The following THSD4 variants were observed in gnomAD, a reference collection of about 807,000 sequenced individuals.
The protein encoded by THSD4 is thrombospondin type-1 domain-containing protein 4.
In THSD4, 69 loss-of-function variants were observed where a neutral mutation model predicts 119.0. That is an observed-to-expected ratio of 0.58 (90% CI 0.48 to 0.71). The LOEUF is 0.71. Among genes scored for constraint, THSD4 ranks in the 30% least tolerant of loss-of-function variants. The probability of loss-of-function intolerance (pLI) is 0.00; values close to 1 mark genes in which losing one functional copy is unlikely to be tolerated. For missense variants in THSD4, 1,393 were observed against 1,391.1 expected, an observed-to-expected ratio of 1.00 and a Z score of -0.02; for synonymous variants, 524 against 540.4, an observed-to-expected ratio of 0.97 and a Z score of 0.42.
intron 6 of THSD4, among the ~76,000 whole-genome samples, chr15:71,269,890 C>G (rs556089900): frequency 1.3e-5 from 2 of 152,294 alleles, no homozygotes; most frequent in South Asian, 4.1e-4. Context: ...ATACAACTTA[C>G]AAGCGATGTG....
At chr15:71,106,976 C>T (rs1186565905) in intron 1 of THSD4, among the ~76,000 whole-genome samples, 1 of 152,164 alleles carries the variant, frequency 6.6e-6, no homozygotes, top group Non-Finnish European at 1.5e-5. Flanking sequence ...TCCCTGAAGG[C>T]GAATTGGTGA....
intron 7 of THSD4, among the ~76,000 whole-genome samples, chr15:71,446,157 C>G (rs191506076): frequency 2.6e-5 from 4 of 152,336 alleles, no homozygotes; most frequent in Admixed American, 2.6e-4. Flanking sequence ...CTGACTCTAT[C>G]CCATAGTGAA....
intron 5 of THSD4, among the ~76,000 whole-genome samples, chr15:71,248,233 A>G (rs947589765): frequency 8.5e-5 from 13 of 152,140 alleles, no homozygotes; most frequent in African/African-American, 3.1e-4. Context: ...TTGAACTATG[A>G]TCACACCACT....
In THSD4 at chr15:71,473,658, C is replaced by G. The variant is rs200729703; in HGVS notation, c.1152+61835C>G. ...TCAGGGAACATTCCCTTCCCATTGC[C>G]ACTGCTCCTATGGGATGGGGCTGGG... On this transcript the variant is annotated intron_variant, in intron 7 of 17. Coordinates refer to ENST00000261862, the MANE Select transcript of THSD4 (RefSeq NM_024817.3). Among the ~76,000 whole-genome samples, 10 of 152,154 alleles carry G rather than the reference C, an allele frequency of 6.6e-5. No homozygotes were observed. The East Asian group carries it at 1.9e-3, about 29-fold the overall frequency.
At chr15:71,344,505 C>T (rs575374352) in intron 6 of THSD4, among the ~76,000 whole-genome samples, 20 of 152,294 alleles carry the variant, frequency 1.3e-4, no homozygotes, top group Admixed American at 2.0e-4. Context: ...AAACATGTTT[C>T]ACGCCTCAGG....
At chr15:71,290,929 A>G (rs2140324915) in intron 6 of THSD4, among the ~76,000 whole-genome samples, 1 of 148,192 alleles carries the variant, frequency 6.7e-6, no homozygotes, top group Admixed American at 6.8e-5. Context: ...ATATAATTTA[A>G]AAGTCAAATA....
chr15:71,567,236 T>A (rs1160626209), intron 7 of THSD4, among the ~76,000 whole-genome samples: 1 of 151,608 alleles, frequency 6.6e-6, no homozygotes, highest in Non-Finnish European at 1.5e-5. Flanking sequence ...CCCAGAGAGG[T>A]CTTTGCTTTA....
intron 3 of THSD4, among the ~76,000 whole-genome samples, chr15:71,157,679 C>CT (rs60477136): frequency 1.9e-5 from 1 of 51,610 alleles, no homozygotes; most frequent in Non-Finnish European, 4.0e-5. Context: ...TATATCAACT[C>CT]TTTTTTTTTT....
At chr15:71,346,538 C>T (rs1423561030) in intron 6 of THSD4, among the ~76,000 whole-genome samples, 1 of 152,190 alleles carries the variant, frequency 6.6e-6, no homozygotes, top group African/African-American at 2.4e-5. Context: ...ACTCTTTGAG[C>T]ACTTCTTCAC....
chr15:71,726,398 T>C (rs980476674), intron 8 of THSD4, among the ~76,000 whole-genome samples: 3 of 152,190 alleles, frequency 2.0e-5, no homozygotes, highest in African/African-American at 7.2e-5. Context: ...GTTCTTATAT[T>C]TTAGTGGTAC....
chr15:71,429,815 A>C (rs535740594), intron 7 of THSD4, among the ~76,000 whole-genome samples: 1 of 152,366 alleles, frequency 6.6e-6, no homozygotes, highest in South Asian at 2.1e-4. Flanking sequence ...ATTCCTGAGA[A>C]TAGGCCAACC....
intron 3 of THSD4, 121 bp downstream of exon 3, chr15:71,155,053 A>G: frequency 4.5e-6 from 4 of 886,408 alleles, no homozygotes; most frequent in South Asian, 2.7e-5. Flanking sequence ...AGGAAGCACC[A>G]TTTACAGAAT....
chr15:71,490,287 G>A (rs191268462), intron 7 of THSD4, among the ~76,000 whole-genome samples: 56 of 152,172 alleles, frequency 3.7e-4, no homozygotes, highest in African/African-American at 1.2e-3. Context: ...TAGGCCGGGC[G>A]TGGTGGCTCA....
At chr15:71,434,489 T>C (rs1429858288) in intron 7 of THSD4, among the ~76,000 whole-genome samples, 2 of 140,506 alleles carry the variant, frequency 1.4e-5, no homozygotes, top group Admixed American at 7.7e-5. Context: ...TAAGGATTGA[T>C]AGAAGTCTCC....
chr15:71,455,251 C>T (rs763619118), intron 7 of THSD4, among the ~76,000 whole-genome samples: 4 of 152,188 alleles, frequency 2.6e-5, no homozygotes, highest in Non-Finnish European at 5.9e-5. Context: ...AGAAGGTTTT[C>T]ATACTTGATG....
intron 7 of THSD4, among the ~76,000 whole-genome samples, chr15:71,477,278 C>T (rs2047667609): frequency 2.0e-5 from 3 of 152,116 alleles, no homozygotes; most frequent in Non-Finnish European, 4.4e-5. Flanking sequence ...AATGTGAAAT[C>T]AAATGAGAAC....
chr15:71,392,764 C>T (rs1434238003), intron 6 of THSD4, among the ~76,000 whole-genome samples: 2 of 152,232 alleles, frequency 1.3e-5, no homozygotes, highest in African/African-American at 2.4e-5. Flanking sequence ...AATTGTCCCA[C>T]GGTCAAGAAG....
intron 6 of THSD4, among the ~76,000 whole-genome samples, chr15:71,261,093 A>T (rs2044392272): frequency 6.6e-6 from 1 of 152,160 alleles, no homozygotes; most frequent in South Asian, 2.1e-4. Context: ...GGTACCTGTG[A>T]TGTAACCTTC....
Position 71,371,259 on chromosome 15 carries a change from T to G in THSD4, c.1016-40428T>G, listed in dbSNP as rs2046042798. On this transcript the variant is annotated intron_variant, in intron 6 of 17. Transcript: ENST00000261862. The stretch of plus-strand genomic sequence containing the variant: ...TTTGCCAGTTTGTGTCTTTTAATTG[T>G]AGCATTTAGCCCATTTACATTTAAG... 3.3e-5 allele frequency among the ~76,000 whole-genome samples: 5 copies of G among 152,198 alleles called. No individual in the cohort carries two copies. In the South Asian group the frequency reaches 8.3e-4, roughly 25 times the overall value.
Sources: allele counts gnomAD v4.1 joint callset (sites outside exome capture counted in the v4.1 genomes callset), GRCh38; gene constraint gnomAD v4.1.1; transcripts MANE v1.5; gene names NCBI Gene and HGNC (gene_info 2026-07-23, HGNC 2026-07-21).